GRIA2: variants seen among roughly 807,000 people sequenced by gnomAD.
The protein encoded by GRIA2 is glutamate ionotropic receptor AMPA type subunit 2.
A neutral mutation model predicts 97.3 loss-of-function variants in GRIA2; 14 were observed. That is an observed-to-expected ratio of 0.14 (90% CI 0.10 to 0.23). The LOEUF (loss-of-function observed/expected upper bound fraction) is 0.23. Ranked by LOEUF, GRIA2 falls within the 10% of genes least tolerant of loss-of-function variation. The pLI is 1.00. For synonymous variants in GRIA2, 412 were observed against 387.8 expected (o/e 1.06, Z -0.73); for missense variants, 558 against 1,069.8 (o/e 0.52, Z 6.67).
intron 2 of GRIA2, among the ~76,000 whole-genome samples, chr4:157,234,250 T>C (rs775190835): frequency 5.9e-5 from 9 of 152,084 alleles, no homozygotes; most frequent in Non-Finnish European, 1.0e-4. Flanking sequence ...GAGTATATAT[T>C]GGTCAGATAT....
At chr4:157,334,331 G>C in intron 9 of GRIA2, 2 of 472,288 alleles carry the variant, frequency 4.2e-6, no homozygotes, top group Non-Finnish European at 7.7e-6. Context: ...GAACGCTACA[G>C]TTTACACAGA....
At chr4:157,354,560 G>A (rs182398631) in intron 12 of GRIA2, among the ~76,000 whole-genome samples, 8 of 152,254 alleles carry the variant, frequency 5.3e-5, no homozygotes, top group Non-Finnish European at 1.5e-5. Context: ...AAGAAACACA[G>A]AGAAGTCAAA....
At chr4:157,346,695 A>T (rs562769692) in intron 12 of GRIA2, among the ~76,000 whole-genome samples, 2 of 152,284 alleles carry the variant, frequency 1.3e-5, no homozygotes, top group East Asian at 3.9e-4. Flanking sequence ...AGGAAAAAAT[A>T]GCATCGTATA....
At chr4:157,337,295 G>A (rs1735329905) in intron 11 of GRIA2, among the ~76,000 whole-genome samples, 1 of 151,800 alleles carries the variant, frequency 6.6e-6, no homozygotes, top group Non-Finnish European at 1.5e-5. Flanking sequence ...ACAAATGCCT[G>A]GAAGGGACTA....
chr4:157,243,511 G>A (rs1440389711), intron 2 of GRIA2, among the ~76,000 whole-genome samples: 1 of 152,058 alleles, frequency 6.6e-6, no homozygotes, highest in Admixed American at 6.6e-5. Context: ...GAAGGACAAA[G>A]CATTTTCTTT....
chr4:157,312,020 T>C (rs1734104530), intron 3 of GRIA2, among the ~76,000 whole-genome samples: 1 of 152,032 alleles, frequency 6.6e-6, no homozygotes, highest in Non-Finnish European at 1.5e-5. Context: ...GAAGTAAATC[T>C]ATGCTAGAGA....
At chr4:157,282,663 C>A (rs1732659651) in intron 2 of GRIA2, among the ~76,000 whole-genome samples, 1 of 152,012 alleles carries the variant, frequency 6.6e-6, no homozygotes. Flanking sequence ...TTTGGTAGTA[C>A]TAATTTTGTT....
intron 3 of GRIA2, among the ~76,000 whole-genome samples, chr4:157,310,328 A>G (rs2126881194): frequency 6.6e-6 from 1 of 152,292 alleles, no homozygotes; most frequent in East Asian, 1.9e-4. Context: ...AGAGGAAACT[A>G]ATTTCATTTT....
Position 157,362,854 on chromosome 4 carries a change from T to C in GRIA2, c.2462T>C (p.Val821Ala), listed in dbSNP as rs765296382. ...SNVAGVFYIL[V>A]GGLGLAMLVA... The stretch of plus-strand genomic sequence containing the variant: ...GTTGCTGGAGTATTCTACATCCTTG[T>C]CGGGGGCCTTGGTTTGGCAATGCTG... The change falls in exon 15 of 16, where the codon GTC becomes GCC. Residue 821 changes from valine (V) to alanine (A), a missense_variant. Transcript: ENST00000264426. 1.2e-6 allele frequency: 2 copies of C among 1,613,436 alleles called. No individual in the cohort carries two copies. Among genetic ancestry groups the C allele is most frequent in the Non-Finnish European group, 1.7e-6 (2 of 1,179,572 alleles).
intron 2 of GRIA2, among the ~76,000 whole-genome samples, chr4:157,258,920 A>T (rs1210886873): frequency 1.3e-5 from 2 of 152,044 alleles, no homozygotes; most frequent in Non-Finnish European, 2.9e-5. Flanking sequence ...ATTGTAGAAG[A>T]TAAAGGAAGG....
intron 2 of GRIA2, among the ~76,000 whole-genome samples, chr4:157,268,307 A>C (rs1318380021): frequency 6.6e-6 from 1 of 152,028 alleles, no homozygotes; most frequent in Admixed American, 6.6e-5. Flanking sequence ...TTATGTTTTC[A>C]TGTTCTAGAA....
At chr4:157,236,381 T>G (rs973960704) in intron 2 of GRIA2, among the ~76,000 whole-genome samples, 1 of 152,132 alleles carries the variant, frequency 6.6e-6, no homozygotes, top group African/African-American at 2.4e-5. Context: ...TACACTGTTC[T>G]TTATCTTGAT....
At chr4:157,234,554 A>C (rs933046403) in intron 2 of GRIA2, among the ~76,000 whole-genome samples, 2 of 152,132 alleles carry the variant, frequency 1.3e-5, no homozygotes, top group African/African-American at 2.4e-5. Context: ...TTTAGTGTGA[A>C]TATCTGATAC....
rs560277708 is a variant in GRIA2, at chr4:157,353,518, A to T, written c.2044-6378A>T. ...ACCCCGTCTCTAATAAAAATAATAA[A>T]AAAAAAAATTAGCCAGGTGTGGTGG... On this transcript the variant is annotated intron_variant, in intron 12 of 15. Coordinates refer to ENST00000264426, the MANE Select transcript of GRIA2 (RefSeq NM_001083619.3). 4.6e-3 allele frequency among the ~76,000 whole-genome samples: 692 copies of T among 151,800 alleles called. 3 individuals carry two copies. The highest frequency in any genetic ancestry group is 7.3e-3 in the Admixed American group (111 of 15,272).
chr4:157,360,177 T>G, intron 13 of GRIA2, 34 bp downstream of exon 13: 3 of 1,602,100 alleles, frequency 1.9e-6, no homozygotes, highest in Non-Finnish European at 2.6e-6. Context: ...TGCTAAATGT[T>G]GTTATAGTAT....
At chr4:157,323,522 C>T (rs925114945) in intron 6 of GRIA2, among the ~76,000 whole-genome samples, 10 of 151,750 alleles carry the variant, frequency 6.6e-5, no homozygotes, top group African/African-American at 2.4e-4. Flanking sequence ...TGCAGGCTTC[C>T]GTCCATTCAG....
chr4:157,221,991 C>G (rs1241991894), intron 2 of GRIA2, among the ~76,000 whole-genome samples, 184 bp downstream of exon 2: 1 of 151,898 alleles, frequency 6.6e-6, no homozygotes, highest in Non-Finnish European at 1.5e-5. Flanking sequence ...TCAGGGACCC[C>G]CGCTGGCTGG....
intron 11 of GRIA2, 67 bp from the exon 12 acceptor site, chr4:157,341,197 C>A: frequency 9.7e-7 from 1 of 1,026,386 alleles, no homozygotes; most frequent in Non-Finnish European, 1.5e-6. Context: ...TTGCATAATA[C>A]TGCTAACTTG....
At chr4:157,270,317 T>G (rs961428769) in intron 2 of GRIA2, among the ~76,000 whole-genome samples, 1 of 152,100 alleles carries the variant, frequency 6.6e-6, no homozygotes, top group East Asian at 1.9e-4. Flanking sequence ...CTTCAAGGTA[T>G]TGGCTCATGC....
Sources: gnomAD v4.1 joint callset for allele counts (sites outside exome capture counted in the v4.1 genomes callset) on GRCh38, gnomAD v4.1.1 for gene constraint, MANE v1.5 for transcripts, NCBI Gene and HGNC (gene_info 2026-07-23, HGNC 2026-07-21) for gene names.